HS3ST4: variants seen among roughly 807,000 people sequenced by gnomAD.
HS3ST4 encodes heparan sulfate glucosamine 3-O-sulfotransferase 4.
HS3ST4 carries 17 observed loss-of-function variants against 29.2 expected under a neutral mutation model. The observed-to-expected ratio is 0.58, with a 90% confidence interval of 0.40 to 0.87. The LOEUF (loss-of-function observed/expected upper bound fraction) is 0.87, where lower values mean the gene tolerates loss of function less well. Among genes scored for constraint, HS3ST4 ranks in the 40% least tolerant of loss-of-function variants. The probability of loss-of-function intolerance (pLI) is 0.00; values close to 1 mark genes in which losing one functional copy is unlikely to be tolerated. For missense variants in HS3ST4, 627 were observed against 634.5 expected (o/e 0.99, Z 0.13); for synonymous variants, 314 against 285.7 (o/e 1.10, Z -1.00).
At chr16:26,132,338 A>C (rs1468374597) in intron 1 of HS3ST4, among the ~76,000 whole-genome samples, 1 of 152,182 alleles carries the variant, frequency 6.6e-6, no homozygotes, top group Non-Finnish European at 1.5e-5. Context: ...TGGTTGAATC[A>C]TGGCTCAATG....
intron 1 of HS3ST4, among the ~76,000 whole-genome samples, chr16:26,034,674 G>T (rs1015381702): frequency 6.6e-6 from 1 of 150,522 alleles, no homozygotes; most frequent in Admixed American, 6.7e-5. Context: ...GGGGCGGGGG[G>T]GGGTCTCACC....
intron 1 of HS3ST4, among the ~76,000 whole-genome samples, chr16:26,117,175 G>T (rs925786405): frequency 1.3e-5 from 2 of 152,210 alleles, no homozygotes; most frequent in African/African-American, 4.8e-5. Context: ...ATTCGAATGT[G>T]CCTACAGAGT....
intron 1 of HS3ST4, among the ~76,000 whole-genome samples, chr16:25,768,695 G>A (rs962853935): frequency 6.6e-6 from 1 of 152,132 alleles, no homozygotes; most frequent in African/African-American, 2.4e-5. Flanking sequence ...AGTCACTGAG[G>A]TCCTCCCTGT....
intron 1 of HS3ST4, among the ~76,000 whole-genome samples, chr16:26,001,572 T>C (rs1006728564): frequency 2.0e-5 from 3 of 152,166 alleles, no homozygotes; most frequent in Admixed American, 2.0e-4. Context: ...TTGTGATAAA[T>C]AATATGTTTT....
At chr16:26,094,949 AG>A (rs369142033) in intron 1 of HS3ST4, among the ~76,000 whole-genome samples, 24,975 of 151,888 alleles carry the variant, frequency 0.16, 3,591 homozygotes, top group African/African-American at 0.39. Context: ...AGCAAAAAAA[AG>A]CAGGGGTTGC....
chr16:25,762,385 G>A (rs1966793832), intron 1 of HS3ST4, among the ~76,000 whole-genome samples: 1 of 152,182 alleles, frequency 6.6e-6, no homozygotes, highest in Admixed American at 6.5e-5. Context: ...TGTGGGTGAT[G>A]GGCATGGGCT....
At chr16:26,006,174 C>T (rs1221216505) in intron 1 of HS3ST4, among the ~76,000 whole-genome samples, 2 of 151,796 alleles carry the variant, frequency 1.3e-5, no homozygotes, top group African/African-American at 4.8e-5. Flanking sequence ...TGGTGCACAC[C>T]TGTAGTCCCA....
chr16:25,873,467 CATCCATCTATCTCTCT>C (rs1425970128), intron 1 of HS3ST4, among the ~76,000 whole-genome samples: 68 of 104,208 alleles, frequency 6.5e-4, no homozygotes, highest in African/African-American at 2.4e-3. Flanking sequence ...TTTACCCACC[CATCCATCTATCTCTCT>C]ATCTATCTAT....
intron 1 of HS3ST4, among the ~76,000 whole-genome samples, chr16:25,876,279 T>C (rs1420894205): frequency 6.6e-6 from 1 of 152,146 alleles, no homozygotes; most frequent in Non-Finnish European, 1.5e-5. Flanking sequence ...AATTTCACAC[T>C]GGCTTAAGCA....
chr16:25,808,996 T>G (rs148702175), intron 1 of HS3ST4, among the ~76,000 whole-genome samples: 2 of 152,260 alleles, frequency 1.3e-5, no homozygotes, highest in East Asian at 1.9e-4. Context: ...TTTTATAAGT[T>G]TTTTGGAAGT....
intron 1 of HS3ST4, among the ~76,000 whole-genome samples, chr16:25,915,854 C>G (rs67190862): frequency 0.13 from 19,252 of 152,178 alleles, 1,436 homozygotes; most frequent in African/African-American, 0.2. Context: ...GATCAACAAG[C>G]TGTTTAACTT....
At chr16:26,079,833 G>A (rs1898704839) in intron 1 of HS3ST4, among the ~76,000 whole-genome samples, 1 of 152,138 alleles carries the variant, frequency 6.6e-6, no homozygotes, top group East Asian at 1.9e-4. Context: ...GCTTTAGCAC[G>A]GGAGCGGACT....
intron 1 of HS3ST4, among the ~76,000 whole-genome samples, chr16:25,716,714 C>T (rs1429026517): frequency 6.6e-6 from 1 of 152,116 alleles, no homozygotes; most frequent in Non-Finnish European, 1.5e-5. Flanking sequence ...CTTATGAAGC[C>T]CTCATGAGAA....
chr16:26,055,390 G>A (rs1898394678), intron 1 of HS3ST4, among the ~76,000 whole-genome samples: 1 of 152,088 alleles, frequency 6.6e-6, no homozygotes, highest in Non-Finnish European at 1.5e-5. Flanking sequence ...AAGCAATGAT[G>A]ATAATTAGGA....
At chr16:25,905,051 G>T (rs552214249) in intron 1 of HS3ST4, among the ~76,000 whole-genome samples, 1 of 152,152 alleles carries the variant, frequency 6.6e-6, no homozygotes, top group African/African-American at 2.4e-5. Context: ...CGGAGGCATG[G>T]GTCAGTTATT....
chr16:25,712,391 C>T (rs1469176593), intron 1 of HS3ST4, among the ~76,000 whole-genome samples: 1 of 152,054 alleles, frequency 6.6e-6, no homozygotes, highest in South Asian at 2.1e-4. Context: ...CGTGGTGGTG[C>T]ATGCCTTTAG....
At chr16:25,853,980 A>T (rs1967547392) in intron 1 of HS3ST4, among the ~76,000 whole-genome samples, 1 of 152,132 alleles carries the variant, frequency 6.6e-6, no homozygotes, top group African/African-American at 2.4e-5. Context: ...TAGCTAACTT[A>T]TCATTGTTGA....
intron 1 of HS3ST4, among the ~76,000 whole-genome samples, chr16:25,980,057 A>G (rs368646453): frequency 6.6e-6 from 1 of 152,046 alleles, no homozygotes; most frequent in Non-Finnish European, 1.5e-5. Context: ...GCCTCTGGTC[A>G]TGTCCTCCTC....
At chr16:25,898,441 T>C (rs1370574446) in intron 1 of HS3ST4, among the ~76,000 whole-genome samples, 1 of 152,212 alleles carries the variant, frequency 6.6e-6, no homozygotes, top group Non-Finnish European at 1.5e-5. Context: ...TTCCCAAACT[T>C]TCCCTTCTTG....
Sources: allele counts gnomAD v4.1 joint callset (sites outside exome capture counted in the v4.1 genomes callset), GRCh38; gene constraint gnomAD v4.1.1; transcripts MANE v1.5; gene names NCBI Gene and HGNC (gene_info 2026-07-23, HGNC 2026-07-21).